SPOCK1: variants seen among roughly 807,000 people sequenced by gnomAD.
SPOCK1 encodes the protein SPARC (osteonectin), cwcv and kazal like domains proteoglycan 1, also known as testican-1.
Under a neutral mutation model 55.3 loss-of-function variants are expected in SPOCK1, and 23 were observed. The observed-to-expected ratio is 0.42, with a 90% CI of 0.30 to 0.59. The LOEUF is 0.59. SPOCK1 is among the 20% of genes least tolerant of loss of function. The pLI is 0.22. For synonymous variants in SPOCK1, 226 were observed against 221.0 expected (o/e 1.02, Z -0.20); for missense variants, 499 against 552.5 (o/e 0.90, Z 0.97).
chr5:137,205,509 G>C (rs1755502565), intron 3 of SPOCK1, among the ~76,000 whole-genome samples: 1 of 152,206 alleles, frequency 6.6e-6, no homozygotes, highest in Admixed American at 6.5e-5. Flanking sequence ...CTCTGCTCTT[G>C]GCAGTGATGA....
chr5:137,308,335 T>A (rs1757733505), intron 2 of SPOCK1, among the ~76,000 whole-genome samples: 1 of 152,246 alleles, frequency 6.6e-6, no homozygotes, highest in Non-Finnish European at 1.5e-5. Context: ...TGCTCTGCTC[T>A]GTATCAGAGA....
At chr5:137,454,063 A>C (rs1753315105) in intron 2 of SPOCK1, among the ~76,000 whole-genome samples, 1 of 152,204 alleles carries the variant, frequency 6.6e-6, no homozygotes, top group Admixed American at 6.5e-5. Flanking sequence ...AAAAAAGAAA[A>C]GTAAGATTTC....
chr5:137,178,512 G>C (rs1334783022), intron 3 of SPOCK1, among the ~76,000 whole-genome samples: 1 of 152,210 alleles, frequency 6.6e-6, no homozygotes, highest in Non-Finnish European at 1.5e-5. Context: ...GGAGACCGAG[G>C]CTCAGAGAGG....
At chr5:137,008,413 A>T (rs138328898) in intron 6 of SPOCK1, among the ~76,000 whole-genome samples, 1 of 152,060 alleles carries the variant, frequency 6.6e-6, no homozygotes, top group Non-Finnish European at 1.5e-5. Context: ...CAGCACGGCA[A>T]TATTCAAAAG....
At chr5:137,368,712 G>A (rs1364162077) in intron 2 of SPOCK1, among the ~76,000 whole-genome samples, 1 of 152,094 alleles carries the variant, frequency 6.6e-6, no homozygotes, top group Non-Finnish European at 1.5e-5. Flanking sequence ...GGGGCTGCTG[G>A]CCCTGTGCCT....
At chr5:137,296,158 G>A (rs917294050) in intron 2 of SPOCK1, among the ~76,000 whole-genome samples, 1 of 152,186 alleles carries the variant, frequency 6.6e-6, no homozygotes, top group African/African-American at 2.4e-5. Context: ...TGATGAATCT[G>A]CCAGTGCCTG....
At chr5:137,266,921 T>C in intron 3 of SPOCK1, 89 bp downstream of exon 3, 3 of 1,169,148 alleles carry the variant, frequency 2.6e-6, no homozygotes, top group South Asian at 1.3e-5. Context: ...TAGCTGGCCC[T>C]TGTGGGAACA....
chr5:137,296,343 A>G (rs1018338631), intron 2 of SPOCK1, among the ~76,000 whole-genome samples: 2 of 152,216 alleles, frequency 1.3e-5, no homozygotes, highest in African/African-American at 4.8e-5. Flanking sequence ...AAGTCACGCA[A>G]GGGGAGCCCG....
chr5:137,374,414 A>C (rs1376157428), intron 2 of SPOCK1, among the ~76,000 whole-genome samples: 2 of 152,228 alleles, frequency 1.3e-5, no homozygotes, highest in Non-Finnish European at 2.9e-5. Flanking sequence ...TAGGAGGTCC[A>C]GTTCCACTCG....
chr5:137,269,815 A>G (rs1374332126), intron 2 of SPOCK1, among the ~76,000 whole-genome samples: 1 of 152,136 alleles, frequency 6.6e-6, no homozygotes, highest in African/African-American at 2.4e-5. Context: ...TGCTCAAAGG[A>G]CATAAGGATA....
rs1561621235 is a variant in SPOCK1 at position 137,132,021 on chromosome 5, A to ATATATAT, written c.347+8558_347+8559insATATATA. ...ATATATATATATATATATATATATA[A>ATATATAT]AAAATTAGCTGGGCATGGTGGCAAG... On this transcript the variant is annotated intron_variant, in intron 4 of 10. Transcript: ENST00000394945. Among the ~76,000 whole-genome samples the ATATATAT allele has an allele frequency of 5.5e-4, 38 of 68,506 alleles. 1 individual carries two copies. Among genetic ancestry groups the ATATATAT allele is most frequent in the African/African-American group, 7.4e-4 (13 of 17,498 alleles). The allele number at this position is 68,506 out of a possible 152,430, so 44.9% of individuals were successfully genotyped here. A position where few individuals can be genotyped will look rare whatever the true frequency, so the allele number is the denominator to read the frequency against.
At chr5:137,217,488 G>A (rs1013117916) in intron 3 of SPOCK1, among the ~76,000 whole-genome samples, 1 of 152,184 alleles carries the variant, frequency 6.6e-6, no homozygotes, top group Non-Finnish European at 1.5e-5. Flanking sequence ...CTCTGCGATT[G>A]CTTCCAGCTC....
At chr5:137,423,670 G>A (rs1025756571) in intron 2 of SPOCK1, among the ~76,000 whole-genome samples, 2 of 152,200 alleles carry the variant, frequency 1.3e-5, no homozygotes, top group African/African-American at 4.8e-5. Flanking sequence ...GATTTTCCAG[G>A]TGCCATCTGT....
At chr5:137,351,146 G>A (rs1437943969) in intron 2 of SPOCK1, among the ~76,000 whole-genome samples, 4 of 152,170 alleles carry the variant, frequency 2.6e-5, no homozygotes, top group South Asian at 2.1e-4. Context: ...GAATCTGGAC[G>A]AAGAAAAGAG....
intron 4 of SPOCK1, among the ~76,000 whole-genome samples, chr5:137,122,257 G>GCGCACA (rs1554098652): frequency 1.4e-5 from 2 of 145,884 alleles, no homozygotes; most frequent in South Asian, 2.1e-4. Context: ...ACACACACAC[G>GCGCACA]CACACACACA....
intron 2 of SPOCK1, among the ~76,000 whole-genome samples, chr5:137,438,378 A>G (rs1752910911): frequency 6.6e-6 from 1 of 152,192 alleles, no homozygotes; most frequent in African/African-American, 2.4e-5. Flanking sequence ...GGAATGCCCA[A>G]GGGTGACACC....
chr5:137,476,322 A>C (rs1753837300), intron 2 of SPOCK1, among the ~76,000 whole-genome samples: 1 of 152,250 alleles, frequency 6.6e-6, no homozygotes, highest in African/African-American at 2.4e-5. Context: ...AGAGAACAAA[A>C]CAGAGCAGAT....
intron 3 of SPOCK1, among the ~76,000 whole-genome samples, chr5:137,170,363 A>C (rs1453701553): frequency 6.6e-6 from 1 of 152,118 alleles, no homozygotes; most frequent in East Asian, 1.9e-4. Flanking sequence ...TGGACCAAGC[A>C]CTCCACAAGC....
rs766101152 is a variant in SPOCK1, at chr5:136,985,134, A to G, written c.991+6T>C. 1.9e-5 allele frequency: 31 copies of G among 1,613,828 alleles called. No individual in the cohort carries two copies. Among genetic ancestry groups the G allele is most frequent in the Non-Finnish European group, 2.6e-5 (31 of 1,179,784 alleles). On this transcript the variant is annotated splice_donor_region_variant and intron_variant, in intron 9 of 10. Transcript: ENST00000394945. ...GTTTAAATGAGTGGCAAGAAATTGT[A>G]CTTACCCAACAGGCTTTTCCCCTTA...
Sources: gnomAD v4.1 joint callset for allele counts (sites outside exome capture counted in the v4.1 genomes callset) on GRCh38, gnomAD v4.1.1 for gene constraint, MANE v1.5 for transcripts, NCBI Gene and HGNC (gene_info 2026-07-23, HGNC 2026-07-21) for gene names.